Variants in ELMO1 observed in about 807,000 individuals in gnomAD.
ELMO1 encodes the protein engulfment and cell motility 1.
ELMO1 carries 26 observed loss-of-function variants against 98.9 expected under a neutral mutation model. That is an observed-to-expected ratio of 0.26 (90% CI 0.19 to 0.36). The LOEUF (loss-of-function observed/expected upper bound fraction) is 0.36, where lower values mean the gene tolerates loss of function less well. Ranked by LOEUF, ELMO1 falls within the 10% of genes least tolerant of loss-of-function variation. ELMO1 has a pLI of 1.00. For missense variants in ELMO1, 627 were observed against 935.2 expected, an observed-to-expected ratio of 0.67 and a Z score of 4.30; for synonymous variants, 346 against 346.0, an observed-to-expected ratio of 1.00 and a Z score of 0.00.
intron 16 of ELMO1, among the ~76,000 whole-genome samples, chr7:36,989,614 A>C (rs1791739378): frequency 6.6e-6 from 1 of 152,252 alleles, no homozygotes; most frequent in Admixed American, 6.5e-5. Flanking sequence ...AGCCATTACA[A>C]AAGACCATCT....
intron 16 of ELMO1, among the ~76,000 whole-genome samples, chr7:37,011,626 C>T (rs1231948590): frequency 1.3e-5 from 2 of 152,128 alleles, no homozygotes; most frequent in African/African-American, 4.8e-5. Context: ...AGAAAGCAGA[C>T]ATCTGATGCC....
intron 13 of ELMO1, among the ~76,000 whole-genome samples, chr7:37,201,258 C>T (rs548168255): frequency 5.3e-5 from 8 of 152,308 alleles, no homozygotes; most frequent in African/African-American, 1.9e-4. Context: ...CTACCCTGCC[C>T]TCCTCACGTT....
Position 36,854,471 on chromosome 7 carries a change from CTCT to C in ELMO1, c.*1077_*1079del, listed in dbSNP as rs751392625. On this transcript the variant is annotated 3_prime_UTR_variant, in exon 22 of 22. Coordinates refer to ENST00000310758, the MANE Select transcript of ELMO1 (RefSeq NM_014800.11). ...ACTGGAAATTCACACATTTATGTAT[CTCT>C]TCTTTTCATTAAATATATATCTGTT... 1 of 150,000 alleles carries C rather than the reference CTCT, an allele frequency of 6.7e-6. No homozygotes were observed. Among genetic ancestry groups the C allele is most frequent in the Non-Finnish European group, 1.5e-5 (1 of 67,766 alleles). 9.3% of individuals were successfully genotyped at this position (150,000 alleles called of 1,614,324 possible). A position where few individuals can be genotyped will look rare whatever the true frequency, so the allele number is the denominator to read the frequency against.
At chr7:37,077,660 C>T (rs758326867) in intron 15 of ELMO1, among the ~76,000 whole-genome samples, 2 of 152,148 alleles carry the variant, frequency 1.3e-5, no homozygotes, top group Non-Finnish European at 2.9e-5. Context: ...ATTAACAGGA[C>T]GTGGCCGCTG....
chr7:37,343,908 C>T (rs1018731901), intron 1 of ELMO1, among the ~76,000 whole-genome samples: 2 of 152,152 alleles, frequency 1.3e-5, no homozygotes, highest in Admixed American at 6.5e-5. Flanking sequence ...CCAATATCTG[C>T]GTTCACTTCT....
intron 17 of ELMO1, among the ~76,000 whole-genome samples, chr7:36,894,566 T>C (rs1805831698): frequency 6.6e-6 from 1 of 152,224 alleles, no homozygotes; most frequent in South Asian, 2.1e-4. Context: ...GTTCCAAGTG[T>C]TGGAAAAGGT....
chr7:37,134,573 A>AG (rs560872109), intron 13 of ELMO1, among the ~76,000 whole-genome samples: 5,258 of 151,688 alleles, frequency 0.035, 94 homozygotes, highest in Middle Eastern at 0.088. Context: ...AAAAAAAAAA[A>AG]AAGAAGAAAT....
intron 1 of ELMO1, chr7:37,375,375 T>C (rs1802291679): frequency 1.8e-6 from 1 of 565,946 alleles, no homozygotes; most frequent in Non-Finnish European, 3.2e-6. Flanking sequence ...ATCACTTACC[T>C]ATGCAGGTCT....
chr7:36,999,015 G>A (rs536478287), intron 16 of ELMO1, among the ~76,000 whole-genome samples: 1 of 152,190 alleles, frequency 6.6e-6, no homozygotes, highest in Admixed American at 6.5e-5. Context: ...GACTAATGAT[G>A]CAAAGATTAG....
intron 6 of ELMO1, among the ~76,000 whole-genome samples, chr7:37,248,229 T>C (rs741342): frequency 0.054 from 8,286 of 152,086 alleles, 505 homozygotes; most frequent in African/African-American, 0.15. Flanking sequence ...TCAATATACC[T>C]ATTTTTTTAG....
At chr7:37,106,323 C>T (rs530101016) in intron 14 of ELMO1, among the ~76,000 whole-genome samples, 5 of 152,212 alleles carry the variant, frequency 3.3e-5, no homozygotes, top group African/African-American at 7.2e-5. Flanking sequence ...GCTTCTCTCT[C>T]GTGACTGGGA....
At position 37,244,390 on chromosome 7, in the gene ELMO1, G is replaced by A. The variant is rs1794896648; in HGVS notation, c.415C>T (p.Arg139Ter). The A allele has an allele frequency of 6.2e-7, 1 of 1,612,284 alleles. No individual in the cohort carries two copies. Among genetic ancestry groups the A allele is most frequent in the Non-Finnish European group, 8.5e-7 (1 of 1,179,628 alleles). The stretch of plus-strand genomic sequence containing the variant: ...ATGATCTTCTGCAATTTCTGGTATC[G>A]CCTGCAAAATTTAAAAACAACCATG... ...LTQMVESGTE[R>*]YQKLQKIMKP... The change falls in exon 7 of 22, where the codon CGA (arginine) becomes TGA (stop). Residue 139 changes from arginine to a stop codon, truncating the protein, a stop_gained and splice_region_variant. Coordinates refer to ENST00000310758, the MANE Select transcript of ELMO1 (RefSeq NM_014800.11). LOFTEE classifies it high-confidence loss of function.
chr7:37,395,271 G>A (rs188979495), intron 1 of ELMO1, among the ~76,000 whole-genome samples: 2 of 148,580 alleles, frequency 1.3e-5, no homozygotes, highest in African/African-American at 4.9e-5. Context: ...GGAGGGTGAG[G>A]CAGGAGAATT....
chr7:37,326,100 T>C (rs1013033156), intron 2 of ELMO1, among the ~76,000 whole-genome samples: 6 of 152,282 alleles, frequency 3.9e-5, no homozygotes, highest in Admixed American at 6.5e-5. Flanking sequence ...AAAGCCCCAC[T>C]TTCCTGAGGC....
At chr7:37,168,668 G>A (rs1417239985) in intron 13 of ELMO1, among the ~76,000 whole-genome samples, 3 of 152,088 alleles carry the variant, frequency 2.0e-5, no homozygotes, top group Non-Finnish European at 4.4e-5. Context: ...CGTGAACCGT[G>A]AATGCTGCTG....
intron 15 of ELMO1, among the ~76,000 whole-genome samples, chr7:37,077,072 C>G: frequency 6.6e-6 from 1 of 152,226 alleles, no homozygotes; most frequent in East Asian, 1.9e-4. Context: ...CTGCCCCGCT[C>G]CAACCCGTGC....
At chr7:37,083,500 T>C (rs79652483) in intron 15 of ELMO1, among the ~76,000 whole-genome samples, 24 of 152,148 alleles carry the variant, frequency 1.6e-4, no homozygotes, top group African/African-American at 5.5e-4. Flanking sequence ...CATGGAAATA[T>C]GTAATTATAA....
intron 4 of ELMO1, among the ~76,000 whole-genome samples, chr7:37,272,771 A>C (rs1196441143): frequency 6.6e-6 from 1 of 152,236 alleles, no homozygotes; most frequent in African/African-American, 2.4e-5. Flanking sequence ...TGCCAGACAC[A>C]AAGGCTTCAT....
In ELMO1 at chr7:36,855,799, A is replaced by C; in HGVS notation, c.1984-48T>G. The stretch of plus-strand genomic sequence containing the variant: ...CGATCATTACTGGTGGCAATTACAG[A>C]AGTATTAATAGTAAAAATAGCTAAC... On this transcript the variant is annotated intron_variant, in intron 21 of 21. Coordinates refer to ENST00000310758, the MANE Select transcript of ELMO1 (RefSeq NM_014800.11). The surrounding 1 kb of genome is among the most constrained non-coding windows in gnomAD (Gnocchi z 4.2). 1 of 1,604,804 alleles carries C rather than the reference A, an allele frequency of 6.2e-7. No homozygotes were observed. The highest frequency in any genetic ancestry group is 8.5e-7 in the Non-Finnish European group (1 of 1,172,292).
Sources: gnomAD v4.1 joint callset for allele counts (sites outside exome capture counted in the v4.1 genomes callset) on GRCh38, gnomAD v4.1.1 for gene constraint, Gnocchi (gnomAD v3.1) non-coding constraint, MANE v1.5 for transcripts, NCBI Gene and HGNC (gene_info 2026-07-23, HGNC 2026-07-21) for gene names.